Variants in LOC400499 observed in about 807,000 individuals in gnomAD.
the LOC400499 span, among the ~76,000 whole-genome samples, chr16:11,490,158 G>A: frequency 6.6e-6 from 1 of 152,278 alleles, no homozygotes; most frequent in Non-Finnish European, 1.5e-5. Context: ...CACTTTGGGA[G>A]GCTGAGGTGG....
the LOC400499 span, among the ~76,000 whole-genome samples, chr16:11,416,902 G>A: frequency 2.0e-5 from 3 of 152,248 alleles, no homozygotes; most frequent in Admixed American, 1.3e-4. Context: ...GGGGAAGGGT[G>A]TGGATTCTGA....
At chr16:11,397,475 A>G in the LOC400499 span, among the ~76,000 whole-genome samples, 3 of 152,052 alleles carry the variant, frequency 2.0e-5, no homozygotes, top group Non-Finnish European at 4.4e-5. Flanking sequence ...AGGTTTCACC[A>G]TGTTAGCCAG....
chr16:11,408,257 C>T, the LOC400499 span, among the ~76,000 whole-genome samples: 2 of 151,998 alleles, frequency 1.3e-5, no homozygotes, highest in Non-Finnish European at 2.9e-5. Context: ...TGCTGGATTA[C>T]GGGTGTGAGC....
chr16:11,503,432 G>T, the LOC400499 span, among the ~76,000 whole-genome samples: 8 of 152,274 alleles, frequency 5.3e-5, no homozygotes, highest in Admixed American at 3.3e-4. Context: ...TGAACCCAAA[G>T]CCACAGAAAC....
the LOC400499 span, chr16:11,457,003 G>A: frequency 1.0e-5 from 16 of 1,534,836 alleles, no homozygotes; most frequent in East Asian, 1.7e-4. Flanking sequence ...AGCTGCACGC[G>A]GCAATCCACC....
the LOC400499 span, among the ~76,000 whole-genome samples, chr16:11,504,137 G>C: frequency 3.3e-5 from 5 of 152,318 alleles, no homozygotes; most frequent in Admixed American, 6.5e-5. Context: ...GGCACGACAG[G>C]AGGGATCATT....
chr16:11,449,159 C>T, the LOC400499 span: 2 of 1,330,014 alleles, frequency 1.5e-6, no homozygotes, highest in African/African-American at 1.4e-5. Flanking sequence ...CTATTTCCTC[C>T]ACCTGGGATA....
At chr16:11,446,922 A>C in the LOC400499 span, 1 of 1,529,298 alleles carries the variant, frequency 6.5e-7, no homozygotes, top group Admixed American at 2.0e-5. Context: ...TGGTGTGCAG[A>C]GGGAAAAACA....
chr16:11,479,958 T>C, the LOC400499 span, among the ~76,000 whole-genome samples: 9 of 152,270 alleles, frequency 5.9e-5, no homozygotes, highest in Admixed American at 3.9e-4. Context: ...ATAAATTGAA[T>C]TTGGAAATTG....
the LOC400499 span, among the ~76,000 whole-genome samples, chr16:11,453,612 G>C: frequency 6.6e-6 from 1 of 152,120 alleles, no homozygotes; most frequent in Non-Finnish European, 1.5e-5. Context: ...AGAAGGGCTA[G>C]CATATGAAGT....
the LOC400499 span, chr16:11,404,939 T>G: frequency 2.5e-6 from 1 of 398,620 alleles, no homozygotes. Context: ...AAGAGAAGCT[T>G]GCAGAGGAGG....
the LOC400499 span, chr16:11,491,695 G>A: frequency 2.5e-6 from 1 of 398,478 alleles, no homozygotes; most frequent in Non-Finnish European, 4.4e-6. Context: ...CACACCCATG[G>A]CTCACCCTGG....
At chr16:11,526,447 G>A in the LOC400499 span, among the ~76,000 whole-genome samples, 2 of 152,094 alleles carry the variant, frequency 1.3e-5, no homozygotes, top group African/African-American at 4.8e-5. Context: ...TGGCACAGTA[G>A]GTAAACCTAC....
chr16:11,523,171 A>G, the LOC400499 span, among the ~76,000 whole-genome samples: 712 of 152,298 alleles, frequency 4.7e-3, 5 homozygotes, highest in African/African-American at 0.016. Flanking sequence ...AGGCATGAAG[A>G]GGAAGCCTTG....
the LOC400499 span, among the ~76,000 whole-genome samples, chr16:11,473,849 A>T: frequency 6.6e-6 from 1 of 151,962 alleles, no homozygotes. Flanking sequence ...TTGTTTGTTT[A>T]GTTAGTTACC....
chr16:11,439,786 G>T, the LOC400499 span, among the ~76,000 whole-genome samples: 1 of 152,028 alleles, frequency 6.6e-6, no homozygotes, highest in African/African-American at 2.4e-5. Context: ...CATCCTGGAT[G>T]GGGGGCTGGG....
chr16:11,414,475 C>G, the LOC400499 span: 1 of 400,036 alleles, frequency 2.5e-6, no homozygotes, highest in Non-Finnish European at 4.4e-6. Flanking sequence ...ACTGTCCCCA[C>G]CATGGAGGGC....
At chr16:11,427,350 C>CAA in the LOC400499 span, among the ~76,000 whole-genome samples, 58 of 38,858 alleles carry the variant, frequency 1.5e-3, 4 homozygotes, top group South Asian at 2.3e-3. Context: ...CTCCATCTCA[C>CAA]AAAAAAAAAA....
At chr16:11,441,238 T>G in the LOC400499 span, among the ~76,000 whole-genome samples, 1 of 152,168 alleles carries the variant, frequency 6.6e-6, no homozygotes, top group South Asian at 2.1e-4. Context: ...GAAGCGGGGA[T>G]GGGTACACAG....
Sources: gnomAD v4.1 joint callset for allele counts (sites outside exome capture counted in the v4.1 genomes callset) on GRCh38, gnomAD v4.1.1 for gene constraint, MANE v1.5 for transcripts.